NOP9: variants seen among roughly 807,000 people sequenced by gnomAD.
NOP9 encodes NOP9 nucleolar protein, also known as nucleolar protein 9.
A neutral mutation model predicts 63.0 loss-of-function variants in NOP9; 50 were observed. The observed-to-expected ratio is 0.79, with a 90% CI of 0.63 to 1.00. The LOEUF is 1.00. Ranked by LOEUF, NOP9 falls within the 50% of genes least tolerant of loss-of-function variation. The pLI is 0.00. For synonymous variants in NOP9, 343 were observed against 332.8 expected, an observed-to-expected ratio of 1.03 and a Z score of -0.33; for missense variants, 758 against 803.0, an observed-to-expected ratio of 0.94 and a Z score of 0.68.
Position 24,305,515 on chromosome 14 carries a change from TG to T in NOP9, c.*424del. The T allele has an allele frequency of 8.0e-7, 1 of 1,255,884 alleles. No individual in the cohort carries two copies. The highest frequency in any genetic ancestry group is 2.3e-5 in the East Asian group (1 of 42,596). The allele number at this position is 1,255,884 out of a possible 1,614,324, so 77.8% of individuals were successfully genotyped here. A position where few individuals can be genotyped will look rare whatever the true frequency, so the allele number is the denominator to read the frequency against. On this transcript the variant is annotated 3_prime_UTR_variant, in exon 10 of 10. Coordinates refer to ENST00000267425, the MANE Select transcript of NOP9 (RefSeq NM_174913.3). ...CTGTCACGAGGGGATCAGAGGACAG[TG>T]GGGAAATTGGGTGGGTTATCTAGCC...
Position 24,306,569 on chromosome 14 carries a change from C to T in NOP9, c.*1474C>T. On this transcript the variant is annotated 3_prime_UTR_variant, in exon 10 of 10. Coordinates refer to ENST00000267425, the MANE Select transcript of NOP9 (RefSeq NM_174913.3). ...AGAAGGGCAGGTCTTATCCCATGCCCCTTCCCTCTTTAGCTGCCCAACATC... is the reference window on the plus strand; with the variant it reads ...AGAAGGGCAGGTCTTATCCCATGCCTCTTCCCTCTTTAGCTGCCCAACATC... 1.2e-6 allele frequency: 2 copies of T among 1,612,580 alleles called. No individual in the cohort carries two copies. The highest frequency in any genetic ancestry group is 1.1e-5 in the South Asian group (1 of 91,020).
In NOP9 at chr14:24,306,450, T is replaced by TC. The variant is rs772065092; in HGVS notation, c.*1356dup. On this transcript the variant is annotated 3_prime_UTR_variant, in exon 10 of 10. Transcript: ENST00000267425. ...ATCCTCCAGCAGCTGGAAGAAGTCC[T>TC]CACTGTCCACTGCAGTTCCATCCTC... 2 of 1,614,252 alleles carry TC rather than the reference T, an allele frequency of 1.2e-6. No homozygotes were observed. Among genetic ancestry groups the TC allele is most frequent in the Admixed American group, 3.3e-5 (2 of 60,028 alleles).
intron 9 of NOP9, 107 bp from the exon 10 acceptor site, chr14:24,304,831 T>C (rs2041450432): frequency 1.5e-6 from 2 of 1,294,946 alleles, no homozygotes; most frequent in Non-Finnish European, 1.1e-6. Flanking sequence ...GTGTTCACTT[T>C]ATCCCAGTGG....
chr14:24,296,516 C>T (rs767747185), upstream of NOP9: 61 of 1,613,994 alleles, frequency 3.8e-5, no homozygotes, highest in African/African-American at 8.0e-5. Context: ...CACCTGAGTC[C>T]GACGTTGTTG....
chr14:24,300,007 G>GT lies in NOP9; in HGVS notation c.54dup (p.Gly19TrpfsTer18). ...AAGGTGGGGCGCCGGTTCCCAGCTG[G>GT]TGGCAAACGGGGGCGCGGGGCCAAG... On this transcript the variant is annotated frameshift_variant, in exon 1 of 10. Transcript: ENST00000267425. LOFTEE classifies it high-confidence loss of function. 3.7e-6 allele frequency: 6 copies of GT among 1,601,142 alleles called. No individual in the cohort carries two copies. Among genetic ancestry groups the GT allele is most frequent in the Non-Finnish European group, 5.1e-6 (6 of 1,173,082 alleles).
At position 24,301,969 on chromosome 14, in the gene NOP9, T is replaced by C. The variant is rs2041385531; in HGVS notation, c.813T>C (p.Phe271=). ...SSSFLKDIAV[F]ITDKISSFCL... ...ATTTCTGCCCTCTCTCCACAGTGTTTATCACTGATAAGATCTCCAGCTTCT... is the reference window on the plus strand; with the variant it reads ...ATTTCTGCCCTCTCTCCACAGTGTTCATCACTGATAAGATCTCCAGCTTCT... The change falls in exon 4 of 10, where the codon TTT becomes TTC. Residue 271 remains phenylalanine (F), a synonymous_variant. Transcript: ENST00000267425. The C allele has an allele frequency of 3.7e-6, 6 of 1,613,228 alleles. No homozygotes were observed. Among genetic ancestry groups the C allele is most frequent in the Non-Finnish European group, 3.4e-6 (4 of 1,179,678 alleles).
chr14:24,271,708 C>G, the NOP9 span: 1 of 152,244 alleles, frequency 6.6e-6, no homozygotes, highest in Non-Finnish European at 1.5e-5. Flanking sequence ...CTGGTGTGTA[C>G]GAGTGCGCAC....
the NOP9 span, chr14:24,271,434 A>T: frequency 7.5e-6 from 2 of 266,478 alleles, no homozygotes; most frequent in Non-Finnish European, 1.4e-5. Flanking sequence ...GGTTGCCGCT[A>T]CCCGCCCGTC....
upstream of NOP9, chr14:24,297,003 G>A: frequency 1.5e-6 from 2 of 1,361,620 alleles, no homozygotes; most frequent in Non-Finnish European, 1.0e-6. Flanking sequence ...GCCTGCTGCA[G>A]AGGCAACATG....
rs773532477 is a variant in NOP9 at position 24,307,362 on chromosome 14, C to T, written c.*2267C>T. 3 of 1,610,588 alleles carry T rather than the reference C, an allele frequency of 1.9e-6. No individual in the cohort carries two copies. The highest frequency in any genetic ancestry group is 2.5e-6 in the Non-Finnish European group (3 of 1,178,156). ...CTGCTATAGGAACCGAGGAACTTGG[C>T]CTACTTACTTTGGCTAGCAGCTCCT... On this transcript the variant is annotated 3_prime_UTR_variant, in exon 10 of 10. Transcript: ENST00000267425.
upstream of NOP9, chr14:24,296,361 C>A: frequency 1.3e-6 from 1 of 761,266 alleles, no homozygotes; most frequent in East Asian, 2.6e-5. Context: ...GGAACTTCTC[C>A]AGAGGTAAGT....
chr14:24,281,748 C>T, the NOP9 span, among the ~76,000 whole-genome samples: 1 of 152,178 alleles, frequency 6.6e-6, no homozygotes, highest in African/African-American at 2.4e-5. Context: ...GAGATCAGAA[C>T]AGCTGGAGCA....
At chr14:24,280,530 T>C in the NOP9 span, among the ~76,000 whole-genome samples, 1 of 152,206 alleles carries the variant, frequency 6.6e-6, no homozygotes, top group African/African-American at 2.4e-5. Context: ...TCCTCTCACC[T>C]AGCAAGGTGC....
chr14:24,289,125 C>T, the NOP9 span, among the ~76,000 whole-genome samples: 29 of 150,474 alleles, frequency 1.9e-4, no homozygotes, highest in Non-Finnish European at 2.4e-4. Context: ...TACAGACGCC[C>T]GCCACCACGC....
chr14:24,291,312 C>T, the NOP9 span: 1 of 1,347,758 alleles, frequency 7.4e-7, no homozygotes, highest in Non-Finnish European at 1.1e-6. Flanking sequence ...GCTGAGAGCC[C>T]TGGAGCTCAG....
the NOP9 span, among the ~76,000 whole-genome samples, chr14:24,279,393 TG>T: frequency 6.6e-6 from 1 of 152,166 alleles, no homozygotes; most frequent in Non-Finnish European, 1.5e-5. Context: ...TGATGGCCCA[TG>T]GGGGTTGCCA....
At position 24,305,690 on chromosome 14, in the gene NOP9, A is replaced by G. The variant is rs1261065663; in HGVS notation, c.*595A>G. 11 of 1,614,086 alleles carry G rather than the reference A, an allele frequency of 6.8e-6. No homozygotes were observed. Among genetic ancestry groups the G allele is most frequent in the Non-Finnish European group, 9.3e-6 (11 of 1,180,032 alleles). ...ACTGCTCAGCCCCCTCCACTGCATG[A>G]CGAAGGGTGGAGGAAATTCCCAGCA... is the stretch of plus-strand genomic sequence containing the variant. On this transcript the variant is annotated 3_prime_UTR_variant, in exon 10 of 10. Coordinates refer to ENST00000267425, the MANE Select transcript of NOP9 (RefSeq NM_174913.3).
Position 24,307,632 on chromosome 14 carries a change from T to C in NOP9, c.*2537T>C. 1.5e-6 allele frequency: 2 copies of C among 1,312,276 alleles called. No individual in the cohort carries two copies. Among genetic ancestry groups the C allele is most frequent in the South Asian group, 1.3e-5 (1 of 74,652 alleles). 81.3% of individuals were successfully genotyped at this position (1,312,276 alleles called of 1,614,324 possible). ...GAGGGAGAGATCTAGGTTTATCGAT[T>C]AGGGATGAGGGAGAGACCATGGAGT... On this transcript the variant is annotated 3_prime_UTR_variant, in exon 10 of 10. Transcript: ENST00000267425.
chr14:24,303,959 G>C (rs2041425747), intron 7 of NOP9, 82 bp from the exon 8 acceptor site: 2 of 1,581,262 alleles, frequency 1.3e-6, no homozygotes, highest in Non-Finnish European at 1.7e-6. Flanking sequence ...ACTTCATCCA[G>C]GTGGAGGTGG....
Sources: allele counts gnomAD v4.1 joint callset (sites outside exome capture counted in the v4.1 genomes callset), GRCh38; gene constraint gnomAD v4.1.1; transcripts MANE v1.5; gene names NCBI Gene and HGNC (gene_info 2026-07-23, HGNC 2026-07-21).